Variants in PIF1 observed in about 807,000 individuals in gnomAD.
PIF1 encodes the protein PIF1 5'-to-3' DNA helicase.
PIF1 carries 67 observed loss-of-function variants against 62.3 expected under a neutral mutation model. The observed-to-expected ratio is 1.08, with a 90% confidence interval of 0.88 to 1.32. The LOEUF is 1.32. PIF1 is among the 40% of genes most tolerant of loss of function. The pLI, the probability that PIF1 is intolerant of heterozygous loss-of-function variation, is 0.00. For missense variants in PIF1, 886 were observed against 866.1 expected (o/e 1.02, Z -0.29); for synonymous variants, 364 against 379.5 (o/e 0.96, Z 0.47).
upstream of PIF1, among the ~76,000 whole-genome samples, chr15:64,826,624 TTATATATATATA>T (rs764170884): frequency 8.8e-3 from 316 of 36,080 alleles, 14 homozygotes; most frequent in South Asian, 0.048. Context: ...CCCAGCTAAT[TTATATATATATA>T]TATATATATA....
rs1256994357 is a variant in PIF1 at position 64,815,755 on chromosome 15, A to G, written c.*543T>C. 1 of 1,550,618 alleles carries G rather than the reference A, an allele frequency of 6.4e-7. No homozygotes were observed. The highest frequency in any genetic ancestry group is 8.7e-7 in the Non-Finnish European group (1 of 1,147,012). ...CTTAAAATATGGGTGCACATTTTGCAGCTTATGTTCTTTGGTTAGGCTCTG... is the reference window on the plus strand; with the variant it reads ...CTTAAAATATGGGTGCACATTTTGCGGCTTATGTTCTTTGGTTAGGCTCTG... On this transcript the variant is annotated 3_prime_UTR_variant, in exon 13 of 13. Transcript: ENST00000559239.
chr15:64,821,387 G>T lies in PIF1; in HGVS notation c.951C>A (p.Asp317Glu), dbSNP rs778794658. 4.3e-6 allele frequency: 7 copies of T among 1,614,114 alleles called. No homozygotes were observed. The South Asian group carries it at 7.7e-5, about 18-fold the overall frequency. ...EISMVEADLF[D>E]KLEAVARAVR... ...CTGACCTGGCCACGGCCTCCAGTTT[G>T]TCAAACAGGTCTGCCTCCACCATTG... The change falls in exon 5 of 13, where the codon GAC (aspartate) becomes GAA (glutamate). Residue 317 changes from aspartate to glutamate, a missense_variant. Coordinates refer to ENST00000559239, the MANE Select transcript of PIF1 (RefSeq NM_001286496.2).
upstream of PIF1, among the ~76,000 whole-genome samples, chr15:64,826,581 A>T (rs1477697572): frequency 7.2e-6 from 1 of 138,114 alleles, no homozygotes; most frequent in Non-Finnish European, 1.5e-5. Context: ...CTCCCGCCTC[A>T]GCCCCCCAGG....
intron 12 of PIF1, 90 bp downstream of exon 12, chr15:64,816,484 C>G (rs1334017448): frequency 1.0e-5 from 16 of 1,591,130 alleles, no homozygotes; most frequent in Middle Eastern, 3.4e-4. Flanking sequence ...TTTCTGCCCC[C>G]ACCCCAGGTC....
intron 11 of PIF1, 40 bp downstream of exon 11, chr15:64,817,906 C>G: frequency 1.3e-6 from 2 of 1,582,290 alleles, no homozygotes; most frequent in Non-Finnish European, 1.7e-6. Context: ...CCTGACCTCC[C>G]TCTGCCCTCC....
In PIF1 at chr15:64,816,191, G is replaced by T; in HGVS notation, c.*107C>A. Reference sequence around the variant, plus strand: ...GAGAGTCCCTAAAAAATACAGAAGGGGACACTGCCTGCCTACTCCAGTTAT... The same window carrying T: ...GAGAGTCCCTAAAAAATACAGAAGGTGACACTGCCTGCCTACTCCAGTTAT... On this transcript the variant is annotated 3_prime_UTR_variant, in exon 13 of 13. Transcript: ENST00000559239. 6.4e-7 allele frequency: 1 copy of T among 1,565,750 alleles called. No homozygotes were observed. The highest frequency in any genetic ancestry group is 8.6e-7 in the Non-Finnish European group (1 of 1,156,588).
At chr15:64,818,381 T>C in intron 9 of PIF1, 37 bp from the exon 10 acceptor site, 1 of 1,593,096 alleles carries the variant, frequency 6.3e-7, no homozygotes, top group Non-Finnish European at 8.6e-7. Context: ...GCAGCCCCCC[T>C]ACCCATGCCT....
intron 11 of PIF1, among the ~76,000 whole-genome samples, 196 bp from the exon 12 acceptor site, chr15:64,816,961 T>C (rs2084195321): frequency 1.3e-5 from 2 of 151,374 alleles, no homozygotes; most frequent in Admixed American, 6.6e-5. Context: ...CAGGTAAGAG[T>C]TGAGGGATGG....
intron 2 of PIF1, 151 bp from the exon 3 acceptor site, chr15:64,822,761 C>T: frequency 8.3e-7 from 1 of 1,200,236 alleles, no homozygotes; most frequent in Non-Finnish European, 1.1e-6. Context: ...GGAGAGCTTG[C>T]CAGCAACTAT....
chr15:64,822,540 T>G lies in PIF1; in HGVS notation c.629A>C (p.Glu210Ala). Residue 210 changes from glutamate (E) to alanine (A), a missense_variant, in exon 3 of 13, where the codon GAA (glutamate) becomes GCA (alanine). Coordinates refer to ENST00000559239, the MANE Select transcript of PIF1 (RefSeq NM_001286496.2). ...GACGGCCCTCAGCACAGCAGCCTGT[T>G]CCTCAGAAAGCTGTGGCTTGGTGGA... ...LPSTKPQLSE[E>A]QAAVLRAVLK... 6.2e-7 allele frequency: 1 copy of G among 1,614,112 alleles called. No homozygotes were observed. Among genetic ancestry groups the G allele is most frequent in the Non-Finnish European group, 8.5e-7 (1 of 1,180,006 alleles).
At chr15:64,818,761 C>T (rs1379774747) in intron 9 of PIF1, 5 of 303,744 alleles carry the variant, frequency 1.6e-5, no homozygotes, top group Non-Finnish European at 2.4e-5. Flanking sequence ...TCTGCCCACC[C>T]CCAACATTGA....
In PIF1 at chr15:64,818,253, T is replaced by G; in HGVS notation, c.1528+4A>C. ...CAGGACTGCCACCTCCTCCCAACAC[T>G]TACCTCTCCCTTCTGCCTCGAACCC... is the stretch of plus-strand genomic sequence containing the variant. On this transcript the variant is annotated splice_donor_region_variant and intron_variant, in intron 10 of 12. Coordinates refer to ENST00000559239, the MANE Select transcript of PIF1 (RefSeq NM_001286496.2). 6.2e-7 allele frequency: 1 copy of G among 1,614,022 alleles called. No homozygotes were observed. The highest frequency in any genetic ancestry group is 8.5e-7 in the Non-Finnish European group (1 of 1,179,982).
At position 64,824,292 on chromosome 15, in the gene PIF1, G is replaced by T; in HGVS notation, c.44C>A (p.Ser15Ter). The change falls in exon 2 of 13, where the codon TCG becomes TAG. Residue 15 changes from serine (S) to a stop codon, truncating the protein, a stop_gained. Transcript: ENST00000559239. LOFTEE classifies it high-confidence loss of function. ...IEAAAGEYED[S>*]ELRCRVAVEE... ...CACAGCCACGCGGCACCGCAGCTCC[G>T]AGTCCTCATATTCCCCTGCCGCCGC... The T allele has an allele frequency of 7.9e-7, 1 of 1,266,598 alleles. No homozygotes were observed. The highest frequency in any genetic ancestry group is 1.0e-6 in the Non-Finnish European group (1 of 1,004,690). 78.5% of individuals were successfully genotyped at this position (1,266,598 alleles called of 1,614,324 possible). A position where few individuals can be genotyped will look rare whatever the true frequency, so the allele number is the denominator to read the frequency against.
Position 64,823,873 on chromosome 15 carries a change from G to T in PIF1, c.463C>A (p.Pro155Thr), listed in dbSNP as rs532573339. Reference sequence around the variant, plus strand: ...GCCGCCCTGAGCCGCCGCTCCTCGGGCTGCACAGGGCTGATGGTGACGAAG... The same window carrying T: ...GCCGCCCTGAGCCGCCGCTCCTCGGTCTGCACAGGGCTGATGGTGACGAAG... ...RDFVTISPVQPEERRLRAATR... is the reference protein window; with the variant it reads ...RDFVTISPVQTEERRLRAATR... The change falls in exon 2 of 13, where the codon CCC (proline) becomes ACC (threonine). Residue 155 changes from proline to threonine, a missense_variant. Transcript: ENST00000559239. The T allele has an allele frequency of 6.5e-5, 90 of 1,386,708 alleles. 4 individuals carry two copies. The South Asian group carries it at 1.6e-3, about 25-fold the overall frequency. 85.9% of individuals were successfully genotyped at this position (1,386,708 alleles called of 1,614,324 possible).
At position 64,821,088 on chromosome 15, in the gene PIF1, A is replaced by G. The variant is rs1230571211; in HGVS notation, c.1087T>C (p.Ser363Pro). Residue 363 changes from serine to proline, a missense_variant and splice_region_variant, in exon 7 of 13, where the codon TCC becomes CCC. Transcript: ENST00000559239. Reference protein sequence around the residue: ...GSQPPRFCFQSKSWKRCVPVT... With the variant: ...GSQPPRFCFQPKSWKRCVPVT... ...GGCACACACCTCTTCCAGCTCTTGGACTGGTGGGGGCAGGGTGGGGGTGGG... is the reference window on the plus strand; with the variant it reads ...GGCACACACCTCTTCCAGCTCTTGGGCTGGTGGGGGCAGGGTGGGGGTGGG... 3.1e-6 allele frequency: 5 copies of G among 1,611,300 alleles called. No homozygotes were observed. Among genetic ancestry groups the G allele is most frequent in the Non-Finnish European group, 4.2e-6 (5 of 1,177,764 alleles).
At position 64,824,196 on chromosome 15, in the gene PIF1, C is replaced by T; in HGVS notation, c.140G>A (p.Arg47His). ...ALRTAELSLG[R>H]NERRELMLRL... ...CAGCATCAACTCGCGGCGCTCGTTG[C>T]GACCCAGGCTCAGCTCCGCGGTGCG... The change falls in exon 2 of 13, where the codon CGC becomes CAC. Residue 47 changes from arginine (R) to histidine (H), a missense_variant. Arg to His is a conservative substitution (Grantham distance 29, BLOSUM62 0). Coordinates refer to ENST00000559239, the MANE Select transcript of PIF1 (RefSeq NM_001286496.2). 7.4e-7 allele frequency: 1 copy of T among 1,349,598 alleles called. No individual in the cohort carries two copies. Among genetic ancestry groups the T allele is most frequent in the Non-Finnish European group, 9.6e-7 (1 of 1,046,226 alleles). 83.6% of individuals were successfully genotyped at this position (1,349,598 alleles called of 1,614,324 possible).
chr15:64,818,069 C>T lies in PIF1; in HGVS notation c.1551G>A (p.Leu517=), dbSNP rs373643408. Residue 517 remains leucine (L), a synonymous_variant, in exon 11 of 13, where the codon CTG becomes CTA. Transcript: ENST00000559239. ...CGTGGATGACCTCAGTGACTCCACA[C>T]AGGAACCGCACCTGGGGTAGCCCTA... is the stretch of plus-strand genomic sequence containing the variant. ...EGRGLPQVRF[L]CGVTEVIHAD... is the part of the protein sequence containing the mutation. The T allele has an allele frequency of 6.2e-7, 1 of 1,614,004 alleles. No homozygotes were observed.
intron 9 of PIF1, 44 bp downstream of exon 9, chr15:64,819,073 G>T: frequency 6.8e-7 from 1 of 1,466,272 alleles, no homozygotes; most frequent in South Asian, 1.3e-5. Context: ...GGCCCATGCG[G>T]GACAGCCCAA....
chr15:64,820,893 A>C, intron 7 of PIF1, 89 bp downstream of exon 7: 9 of 1,187,028 alleles, frequency 7.6e-6, no homozygotes, highest in Middle Eastern at 2.7e-4. Flanking sequence ...TAACAATTCT[A>C]CCCCTTCTGT....
Sources: allele counts gnomAD v4.1 joint callset (sites outside exome capture counted in the v4.1 genomes callset), GRCh38; gene constraint gnomAD v4.1.1; transcripts MANE v1.5; gene names NCBI Gene and HGNC (gene_info 2026-07-23, HGNC 2026-07-21).